ANOS1: variants seen among roughly 807,000 people sequenced by gnomAD.
The protein encoded by ANOS1 is anosmin-1.
Under a neutral mutation model 59.0 loss-of-function variants are expected in ANOS1, and 6 were observed. The ratio of observed to expected loss-of-function variants is 0.10; its 90% CI spans 0.06 to 0.20. ANOS1 has a LOEUF of 0.20. ANOS1 is among the 10% of genes least tolerant of loss of function. The pLI is 1.00. For missense variants in ANOS1, 433 were observed against 542.3 expected, an observed-to-expected ratio of 0.80 and a Z score of 2.00; for synonymous variants, 217 against 223.4, an observed-to-expected ratio of 0.97 and a Z score of 0.25.
chrX:8,570,394 A>C, intron 7 of ANOS1, 105 bp downstream of exon 7: 1 of 660,358 alleles, frequency 1.5e-6, no homozygotes, highest in Non-Finnish European at 2.4e-6. Context: ...GCTTTCCTGC[A>C]TCCATGGCAT....
intron 6 of ANOS1, among the ~76,000 whole-genome samples, chrX:8,573,753 A>G (rs761208058): frequency 3.6e-5 from 4 of 110,976 alleles, no homozygotes; most frequent in African/African-American, 1.3e-4. Context: ...CACACAGCCC[A>G]CCACTGACAC....
Position 8,722,289 on chromosome X carries a change from T to C in ANOS1, c.207+9541A>G, listed in dbSNP as rs1054673763. Among the ~76,000 whole-genome samples, 18 of 111,484 alleles carry C rather than the reference T, an allele frequency of 1.6e-4. No individual in the cohort carries two copies. The Admixed American group carries it at 1.7e-3, about 11-fold the overall frequency. On this transcript the variant is annotated intron_variant, in intron 1 of 13. Coordinates refer to ENST00000262648, the MANE Select transcript of ANOS1 (RefSeq NM_000216.4). ...TCTTTAGTGGTGACTTGTGAGATTT[T>C]GGTGCACCCATCACCCAAGCAGTAT...
At chrX:8,630,167 T>A (rs1038507536) in intron 2 of ANOS1, among the ~76,000 whole-genome samples, 2 of 112,109 alleles carry the variant, frequency 1.8e-5, no homozygotes, top group African/African-American at 6.5e-5. Flanking sequence ...TGGTGGCTCA[T>A]GCCTGTAATC....
intron 3 of ANOS1, among the ~76,000 whole-genome samples, chrX:8,612,552 T>G (rs12848537): frequency 0.21 from 9,980 of 48,409 alleles, 468 homozygotes; most frequent in African/African-American, 0.27. Context: ...AAACAAGAAG[T>G]TTTTTTTTTT....
rs545822787 is a variant in ANOS1 at position 8,640,591 on chromosome X, C to CAA, written c.256-16923_256-16922dup. Among the ~76,000 whole-genome samples, 237 of 31,518 alleles carry CAA rather than the reference C, an allele frequency of 7.5e-3. 4 individuals carry two copies. The highest frequency in any genetic ancestry group is 0.019 in the African/African-American group (221 of 11,794). The allele number at this position is 31,518 out of a possible 115,157, so 27.4% of individuals were successfully genotyped here. On this transcript the variant is annotated intron_variant, in intron 2 of 13. Coordinates refer to ENST00000262648, the MANE Select transcript of ANOS1 (RefSeq NM_000216.4). ...TTTTTATAAAGAAAATGAACCTGTA[C>CAA]AAAAAAAAAAAAAAAACTGTTGGAA...
At chrX:8,554,386 G>C (rs1276979232) in intron 8 of ANOS1, among the ~76,000 whole-genome samples, 1 of 110,754 alleles carries the variant, frequency 9.0e-6, no homozygotes, top group East Asian at 2.9e-4. Context: ...CCGTGAGTGA[G>C]GGACAGTGCT....
intron 3 of ANOS1, among the ~76,000 whole-genome samples, chrX:8,620,096 C>A (rs764175230): frequency 1.8e-5 from 2 of 108,816 alleles, no homozygotes; most frequent in Non-Finnish European, 3.8e-5. Flanking sequence ...CTGTGCCCAG[C>A]CTGTTCTTTT....
intron 9 of ANOS1, among the ~76,000 whole-genome samples, chrX:8,552,785 A>G (rs1188083461): frequency 1.8e-5 from 2 of 110,309 alleles, no homozygotes; most frequent in African/African-American, 6.6e-5. Flanking sequence ...TAATTAATCA[A>G]TATAATAGAT....
chrX:8,666,500 C>G (rs1040982158), intron 2 of ANOS1, among the ~76,000 whole-genome samples: 2 of 111,755 alleles, frequency 1.8e-5, no homozygotes, highest in African/African-American at 3.3e-5. Flanking sequence ...AATACATATA[C>G]ACACACAATG....
At chrX:8,591,214 T>C (rs766442918) in intron 4 of ANOS1, among the ~76,000 whole-genome samples, 7 of 111,498 alleles carry the variant, frequency 6.3e-5, no homozygotes, top group African/African-American at 1.6e-4. Flanking sequence ...ATTCTTGCAT[T>C]GAAGGGTGGC....
At chrX:8,714,693 T>C (rs926623402) in intron 1 of ANOS1, among the ~76,000 whole-genome samples, 2 of 111,296 alleles carry the variant, frequency 1.8e-5, no homozygotes, top group Non-Finnish European at 3.8e-5. Flanking sequence ...GACTTAGTAG[T>C]TGAGCTTCAT....
intron 1 of ANOS1, among the ~76,000 whole-genome samples, chrX:8,703,124 G>A (rs1394658620): frequency 8.9e-6 from 1 of 112,281 alleles, no homozygotes; most frequent in African/African-American, 3.2e-5. Flanking sequence ...TGAATGATAT[G>A]CTTTATTTTG....
chrX:8,666,088 C>A (rs1021003324), intron 2 of ANOS1, among the ~76,000 whole-genome samples: 1 of 110,416 alleles, frequency 9.1e-6, no homozygotes, highest in Non-Finnish European at 1.9e-5. Flanking sequence ...CACCTGTAGT[C>A]CCAAGGCTGA....
intron 6 of ANOS1, among the ~76,000 whole-genome samples, chrX:8,577,428 A>C (rs1011956232): frequency 1.8e-5 from 2 of 110,570 alleles, no homozygotes; most frequent in Non-Finnish European, 3.8e-5. Flanking sequence ...TTTGATGCCA[A>C]CTCCCTCCTT....
Position 8,732,127 on chromosome X carries a change from A to G in ANOS1, c.-91T>C. 1.4e-6 allele frequency: 1 copy of G among 697,653 alleles called. No homozygotes were observed. The highest frequency in any genetic ancestry group is 1.8e-6 in the Non-Finnish European group (1 of 553,723). The allele number at this position is 697,653 out of a possible 1,213,427, so 57.5% of individuals were successfully genotyped here. A position where few individuals can be genotyped will look rare whatever the true frequency, so the allele number is the denominator to read the frequency against. On this transcript the variant is annotated 5_prime_UTR_variant, in exon 1 of 14. Transcript: ENST00000262648. ...GGCTGCACTGCTGAGGACCAGGCAG[A>G]CGCCGCGACTGAGCCGGAAAGTTCA...
intron 9 of ANOS1, among the ~76,000 whole-genome samples, chrX:8,543,535 C>A (rs962363355): frequency 9.0e-6 from 1 of 110,972 alleles, no homozygotes; most frequent in African/African-American, 3.3e-5. Context: ...TAGGTTATGA[C>A]TGCAGGTCTC....
At chrX:8,631,825 G>A (rs1931494425) in intron 2 of ANOS1, among the ~76,000 whole-genome samples, 1 of 111,995 alleles carries the variant, frequency 8.9e-6, no homozygotes, top group Non-Finnish European at 1.9e-5. Context: ...TTTGAAAACT[G>A]AAACATTTTC....
intron 2 of ANOS1, among the ~76,000 whole-genome samples, chrX:8,668,121 G>C (rs1932184917): frequency 9.3e-6 from 1 of 107,115 alleles, no homozygotes; most frequent in Admixed American, 1.0e-4. Context: ...TGAGATTTTG[G>C]TGCACCCATC....
At chrX:8,658,495 G>A (rs1931970764) in intron 2 of ANOS1, among the ~76,000 whole-genome samples, 1 of 111,950 alleles carries the variant, frequency 8.9e-6, no homozygotes, top group African/African-American at 3.3e-5. Context: ...TAACCTCCAT[G>A]CCAAAGATAC....
Sources: allele counts gnomAD v4.1 joint callset (sites outside exome capture counted in the v4.1 genomes callset), GRCh38; gene constraint gnomAD v4.1.1; transcripts MANE v1.5; gene names NCBI Gene and HGNC (gene_info 2026-07-23, HGNC 2026-07-21).